COL22A1: variants seen among roughly 807,000 people sequenced by gnomAD.
COL22A1 encodes collagen alpha-1(XXII) chain.
A neutral mutation model predicts 248.9 loss-of-function variants in COL22A1; 221 were observed. The ratio of observed to expected loss-of-function variants is 0.89; its 90% CI spans 0.80 to 0.99. The LOEUF (loss-of-function observed/expected upper bound fraction) is 0.99. COL22A1 is among the 50% of genes least tolerant of loss of function. COL22A1 has a pLI of 0.00. For synonymous variants in COL22A1, 891 were observed against 793.4 expected (o/e 1.12, Z -2.07); for missense variants, 2,240 against 2,179.0 (o/e 1.03, Z -0.56).
chr8:138,807,874 C>G, intron 9 of COL22A1, 62 bp from the exon 10 acceptor site: 1 of 1,544,562 alleles, frequency 6.5e-7, no homozygotes, highest in Non-Finnish European at 8.9e-7. Flanking sequence ...TCTCTCAACA[C>G]TGGATGGTAA....
intron 3 of COL22A1, among the ~76,000 whole-genome samples, chr8:138,872,453 A>C (rs1229755527): frequency 6.6e-6 from 1 of 152,132 alleles, no homozygotes; most frequent in Non-Finnish European, 1.5e-5. Context: ...GAGAGAGAGG[A>C]CCACCATAGT....
At chr8:138,868,678 T>G (rs1368240594) in intron 3 of COL22A1, among the ~76,000 whole-genome samples, 2 of 151,986 alleles carry the variant, frequency 1.3e-5, no homozygotes, top group Non-Finnish European at 2.9e-5. Flanking sequence ...TCCCCAGGTA[T>G]TGACTCAATA....
At chr8:138,673,513 C>T (rs899249466) in intron 41 of COL22A1, among the ~76,000 whole-genome samples, 1 of 152,084 alleles carries the variant, frequency 6.6e-6, no homozygotes, top group East Asian at 1.9e-4. Flanking sequence ...CCGGCCCCAG[C>T]CGGATCTATC....
intron 31 of COL22A1, among the ~76,000 whole-genome samples, chr8:138,702,122 G>A (rs574142491): frequency 2.6e-5 from 4 of 152,280 alleles, no homozygotes; most frequent in African/African-American, 9.6e-5. Context: ...AAGCTTAGGG[G>A]TAGGCACTTT....
At chr8:138,670,500 C>T (rs1167850254) in intron 41 of COL22A1, among the ~76,000 whole-genome samples, 3 of 152,124 alleles carry the variant, frequency 2.0e-5, no homozygotes, top group African/African-American at 7.2e-5. Context: ...GGTACTCACA[C>T]CTAACAGAAT....
Position 138,623,431 on chromosome 8 carries a change from G to GCTCC in COL22A1, c.3771+300_3771+301insGGAG, listed in dbSNP as rs1308760234. ...CCTCTATCACATCAATAGGATTGAG[G>GCTCC]CTACAGGGGGCAGTAAACCAAAATG... On this transcript the variant is annotated intron_variant, in intron 52 of 64. Transcript: ENST00000303045. 7.2e-5 allele frequency among the ~76,000 whole-genome samples: 11 copies of GCTCC among 151,996 alleles called. No individual in the cohort carries two copies. The East Asian group carries it at 1.9e-3, about 27-fold the overall frequency.
chr8:138,773,535 A>C (rs1455474258), intron 16 of COL22A1, among the ~76,000 whole-genome samples: 1 of 152,188 alleles, frequency 6.6e-6, no homozygotes, highest in African/African-American at 2.4e-5. Context: ...TTATTCATTT[A>C]TTGATTTAGC....
At chr8:138,648,036 TG>T (rs1362030937) in intron 46 of COL22A1, among the ~76,000 whole-genome samples, 2 of 152,222 alleles carry the variant, frequency 1.3e-5, no homozygotes, top group Non-Finnish European at 2.9e-5. Context: ...ATGACATGGA[TG>T]TAAGTACATT....
chr8:138,907,165 C>T (rs1301564281), intron 1 of COL22A1, among the ~76,000 whole-genome samples: 1 of 152,184 alleles, frequency 6.6e-6, no homozygotes, highest in Admixed American at 6.5e-5. Context: ...GATATTTCTC[C>T]ATCACAGTGT....
chr8:138,796,498 C>T (rs1181413469), intron 12 of COL22A1, among the ~76,000 whole-genome samples: 3 of 147,478 alleles, frequency 2.0e-5, no homozygotes, highest in Non-Finnish European at 3.0e-5. Flanking sequence ...CCCAGATTTC[C>T]ACTTCTCGGG....
chr8:138,890,595 A>T (rs113166501), intron 1 of COL22A1, among the ~76,000 whole-genome samples: 4 of 152,288 alleles, frequency 2.6e-5, no homozygotes, highest in African/African-American at 9.6e-5. Flanking sequence ...CTACAGGCAC[A>T]TATCACCATG....
At chr8:138,805,789 C>T (rs1297472878) in intron 10 of COL22A1, among the ~76,000 whole-genome samples, 12 of 60,740 alleles carry the variant, frequency 2.0e-4, no homozygotes, top group East Asian at 1.4e-3. Flanking sequence ...GGTGATGGTG[C>T]GTGATGGTGT....
intron 44 of COL22A1, among the ~76,000 whole-genome samples, 168 bp from the exon 45 acceptor site, chr8:138,656,112 A>G (rs993043073): frequency 1.3e-5 from 2 of 152,182 alleles, no homozygotes. Context: ...GGAGCCACAG[A>G]AAGAACACTC....
At chr8:138,910,310 C>T (rs544307687) in intron 1 of COL22A1, among the ~76,000 whole-genome samples, 78 of 152,320 alleles carry the variant, frequency 5.1e-4, no homozygotes, top group Non-Finnish European at 9.4e-4. Context: ...TACACACCCA[C>T]ACAGACACAT....
intron 41 of COL22A1, among the ~76,000 whole-genome samples, chr8:138,664,072 C>T (rs4269582): frequency 0.076 from 11,443 of 151,516 alleles, 469 homozygotes; most frequent in African/African-American, 0.08. Flanking sequence ...GTATTACACC[C>T]CCTTGGAGAT....
intron 1 of COL22A1, 32 bp from the exon 2 acceptor site, chr8:138,883,276 T>TTGAGAGACACC: frequency 8.3e-7 from 1 of 1,203,188 alleles, no homozygotes; most frequent in South Asian, 1.5e-5. Context: ...TAGAGAAGGC[T>TTGAGAGACACC]CTCAAGCTGA....
intron 27 of COL22A1, among the ~76,000 whole-genome samples, chr8:138,719,578 T>C (rs771882429): frequency 1.2e-4 from 18 of 152,146 alleles, no homozygotes; most frequent in Non-Finnish European, 2.1e-4. Flanking sequence ...AATTGGGTCT[T>C]TTAAAAATGA....
At chr8:138,861,341 T>C (rs1198013080) in intron 3 of COL22A1, among the ~76,000 whole-genome samples, 1 of 152,204 alleles carries the variant, frequency 6.6e-6, no homozygotes, top group African/African-American at 2.4e-5. Context: ...GCCTTGAACT[T>C]ACAGAGGGCT....
chr8:138,694,075 A>T (rs1827297741), intron 34 of COL22A1, among the ~76,000 whole-genome samples: 1 of 152,150 alleles, frequency 6.6e-6, no homozygotes, highest in Admixed American at 6.5e-5. Context: ...ACCGAGCAAA[A>T]TGACAGAATC....
Sources: allele counts gnomAD v4.1 joint callset (sites outside exome capture counted in the v4.1 genomes callset), GRCh38; gene constraint gnomAD v4.1.1; transcripts MANE v1.5; gene names NCBI Gene and HGNC (gene_info 2026-07-23, HGNC 2026-07-21).